The following RAB10 variants were observed in gnomAD, a reference collection of about 807,000 sequenced individuals.
RAB10 encodes the protein ras-related protein Rab-10.
RAB10 carries 5 observed loss-of-function variants against 25.7 expected under a neutral mutation model. The ratio of observed to expected loss-of-function variants is 0.19; its 90% CI spans 0.10 to 0.41. The LOEUF (loss-of-function observed/expected upper bound fraction) is 0.41, where lower values mean the gene tolerates loss of function less well. Among genes scored for constraint, RAB10 ranks in the 10% least tolerant of loss-of-function variants. The pLI, the probability that RAB10 is intolerant of heterozygous loss-of-function variation, is 1.00. For synonymous variants in RAB10, 89 were observed against 86.4 expected (o/e 1.03, Z -0.16); for missense variants, 103 against 245.8 (o/e 0.42, Z 3.89).
chr2:26,125,144 T>C (rs1248222221), intron 3 of RAB10, among the ~76,000 whole-genome samples: 2 of 152,218 alleles, frequency 1.3e-5, no homozygotes, highest in Non-Finnish European at 2.9e-5. Context: ...CTGGATCATA[T>C]GATAATTCTG....
chr2:26,091,730 G>A (rs942712454), intron 1 of RAB10, among the ~76,000 whole-genome samples: 4 of 152,154 alleles, frequency 2.6e-5, no homozygotes, highest in African/African-American at 7.2e-5. Flanking sequence ...AATGCGTCAA[G>A]ATAGAAAAGA....
At chr2:26,121,128 T>C (rs9309466) in intron 3 of RAB10, among the ~76,000 whole-genome samples, 4,309 of 152,110 alleles carry the variant, frequency 0.028, 219 homozygotes, top group African/African-American at 0.1. Context: ...GCCAGGCTGG[T>C]CTCGAACCCC....
intron 1 of RAB10, among the ~76,000 whole-genome samples, chr2:26,079,934 A>G (rs536735341): frequency 6.6e-6 from 1 of 152,352 alleles, no homozygotes; most frequent in Admixed American, 6.5e-5. Context: ...TGCTGGGATT[A>G]TAGATGTGAG....
Position 26,136,452 on chromosome 2 carries a change from G to GA in RAB10, c.*1436dup, listed in dbSNP as rs1344245403. 1.3e-5 allele frequency: 2 copies of GA among 152,504 alleles called. No individual in the cohort carries two copies. Among genetic ancestry groups the GA allele is most frequent in the African/African-American group, 2.4e-5 (1 of 41,410 alleles). The allele number at this position is 152,504 out of a possible 1,614,324, so 9.4% of individuals were successfully genotyped here. ...GAAAACTTGTATTACCATGGGTTTG[G>GA]AAAAAGGACAACGAAAGGCTTTTCA... On this transcript the variant is annotated 3_prime_UTR_variant, in exon 6 of 6. Transcript: ENST00000264710.
chr2:26,061,895 A>AT (rs1014157093), intron 1 of RAB10, among the ~76,000 whole-genome samples: 21 of 151,062 alleles, frequency 1.4e-4, no homozygotes, highest in African/African-American at 2.7e-4. Context: ...TAGCTGGCTA[A>AT]TTTTTTTTTA....
chr2:26,098,868 C>A, intron 2 of RAB10, 146 bp downstream of exon 2: 1 of 633,788 alleles, frequency 1.6e-6, no homozygotes, highest in South Asian at 2.0e-5. Context: ...GCAGTAAAAA[C>A]CATTGCATGG....
At position 26,059,493 on chromosome 2, in the gene RAB10, T is replaced by A. The variant is rs1034721361; in HGVS notation, c.127+24758T>A. ...TTGTTTTTTTAACCTAAATGCAAAA[T>A]TTGAGAAGCACATGGTAAGTAAATA... On this transcript the variant is annotated intron_variant, in intron 1 of 5. Transcript: ENST00000264710. Among the ~76,000 whole-genome samples the A allele has an allele frequency of 2.0e-5, 3 of 152,142 alleles. No individual in the cohort carries two copies. The East Asian group carries it at 5.8e-4, about 29-fold the overall frequency.
chr2:26,092,288 TGTGTGTGTGTGTGTGTGTGTGTGTG>T (rs1559590797), intron 1 of RAB10, among the ~76,000 whole-genome samples: 6 of 140,542 alleles, frequency 4.3e-5, no homozygotes, highest in African/African-American at 1.6e-4. Context: ...TGTGTGTGTG[TGTGTGTGTGTGTGTGTGTGTGTGTG>T]TGTGTGTGTT....
intron 5 of RAB10, among the ~76,000 whole-genome samples, chr2:26,134,397 G>C (rs908287408): frequency 6.6e-6 from 1 of 152,188 alleles, no homozygotes; most frequent in Non-Finnish European, 1.5e-5. Flanking sequence ...GATTACAGGC[G>C]TGAGGCACTG....
At chr2:26,052,470 A>ATTTT (rs10712935) in intron 1 of RAB10, among the ~76,000 whole-genome samples, 1 of 114,546 alleles carries the variant, frequency 8.7e-6, no homozygotes, top group Non-Finnish European at 1.8e-5. Context: ...CCGTGAGCCA[A>ATTTT]TTTTTTTTTT....
At chr2:26,056,952 ACT>A (rs1359402667) in intron 1 of RAB10, among the ~76,000 whole-genome samples, 11 of 152,144 alleles carry the variant, frequency 7.2e-5, no homozygotes, top group Non-Finnish European at 5.9e-5. Flanking sequence ...ACTATGAAGG[ACT>A]CTGATCTGAC....
At chr2:26,120,502 T>G (rs144771891) in intron 3 of RAB10, among the ~76,000 whole-genome samples, 3 of 152,352 alleles carry the variant, frequency 2.0e-5, no homozygotes, top group African/African-American at 7.2e-5. Context: ...TATTACTGGA[T>G]ATTTGCCAAG....
intron 1 of RAB10, among the ~76,000 whole-genome samples, chr2:26,036,884 G>A (rs1429154679): frequency 1.3e-5 from 2 of 151,916 alleles, no homozygotes; most frequent in Non-Finnish European, 2.9e-5. Flanking sequence ...CCGCCTCAGG[G>A]GTTCAAGCAA....
At chr2:26,039,713 A>G (rs1665842687) in intron 1 of RAB10, among the ~76,000 whole-genome samples, 2 of 152,180 alleles carry the variant, frequency 1.3e-5, no homozygotes, top group South Asian at 4.1e-4. Context: ...TGTGTGATCA[A>G]GATTTAAAAA....
At chr2:26,114,737 C>CAAAAAAAAA (rs58252306) in intron 3 of RAB10, among the ~76,000 whole-genome samples, 60 of 66,056 alleles carry the variant, frequency 9.1e-4, no homozygotes, top group African/African-American at 3.1e-3. Context: ...CAAAAATATA[C>CAAAAAAAAA]AAAAAAAAAA....
chr2:26,103,271 T>C (rs968429520), intron 2 of RAB10, among the ~76,000 whole-genome samples: 2 of 152,210 alleles, frequency 1.3e-5, no homozygotes, highest in African/African-American at 4.8e-5. Context: ...ATGGCAGATA[T>C]GTGAACATGC....
At chr2:26,047,436 G>C (rs1186621234) in intron 1 of RAB10, among the ~76,000 whole-genome samples, 1 of 143,768 alleles carries the variant, frequency 7.0e-6, no homozygotes, top group African/African-American at 2.6e-5. Flanking sequence ...TTTTTATTGA[G>C]ACAGAGTCTT....
intron 1 of RAB10, chr2:26,098,456 T>C: frequency 2.0e-6 from 1 of 501,948 alleles, no homozygotes. Flanking sequence ...TGGTCTTTTC[T>C]GTATCTATTT....
intron 1 of RAB10, among the ~76,000 whole-genome samples, chr2:26,093,757 A>G (rs541147016): frequency 2.0e-5 from 3 of 152,304 alleles, no homozygotes; most frequent in Non-Finnish European, 2.9e-5. Flanking sequence ...CATTTTCACA[A>G]TTTTATCCTG....
Sources: allele counts gnomAD v4.1 joint callset (sites outside exome capture counted in the v4.1 genomes callset), GRCh38; gene constraint gnomAD v4.1.1; transcripts MANE v1.5; gene names NCBI Gene and HGNC (gene_info 2026-07-23, HGNC 2026-07-21).